NTRK2: variants seen among roughly 807,000 people sequenced by gnomAD.
NTRK2 encodes the protein neurotrophic receptor tyrosine kinase 2.
A neutral mutation model predicts 94.5 loss-of-function variants in NTRK2; 13 were observed. That is an observed-to-expected ratio of 0.14 (90% CI 0.09 to 0.22). The LOEUF (loss-of-function observed/expected upper bound fraction) is 0.22, where lower values mean the gene tolerates loss of function less well. Ranked by LOEUF, NTRK2 falls within the 10% of genes least tolerant of loss-of-function variation. The pLI is 1.00. For synonymous variants in NTRK2, 372 were observed against 407.4 expected, an observed-to-expected ratio of 0.91 and a Z score of 1.05; for missense variants, 639 against 1,071.2, an observed-to-expected ratio of 0.60 and a Z score of 5.63.
At chr9:84,892,714 A>G (rs565791819) in intron 14 of NTRK2, among the ~76,000 whole-genome samples, 1 of 152,340 alleles carries the variant, frequency 6.6e-6, no homozygotes, top group East Asian at 1.9e-4. Context: ...TGAGGTCCGG[A>G]GTTCAGGACC....
At chr9:84,734,279 C>A (rs555449148) in intron 9 of NTRK2, among the ~76,000 whole-genome samples, 8 of 152,330 alleles carry the variant, frequency 5.3e-5, no homozygotes, top group Admixed American at 3.3e-4. Context: ...GTTATTTATC[C>A]TCTCCTTAGG....
chr9:84,790,662 A>G (rs1335561632), intron 12 of NTRK2, among the ~76,000 whole-genome samples: 1 of 152,170 alleles, frequency 6.6e-6, no homozygotes. Context: ...AAATATGCTC[A>G]GTTTTGGTAC....
intron 17 of NTRK2, among the ~76,000 whole-genome samples, chr9:84,980,588 T>C (rs1318556317): frequency 6.6e-6 from 1 of 152,238 alleles, no homozygotes; most frequent in Non-Finnish European, 1.5e-5. Context: ...AATAAAACAC[T>C]GTCCCTAGGT....
intron 14 of NTRK2, among the ~76,000 whole-genome samples, chr9:84,917,187 C>T (rs982929937): frequency 2.0e-5 from 3 of 152,172 alleles, no homozygotes; most frequent in African/African-American, 7.2e-5. Context: ...GTGAGACAAA[C>T]CATTTTTGTA....
chr9:84,765,849 T>G (rs1450317725), intron 12 of NTRK2, among the ~76,000 whole-genome samples: 2 of 152,114 alleles, frequency 1.3e-5, no homozygotes, highest in African/African-American at 4.8e-5. Context: ...AATATACCTA[T>G]TACATCATAC....
chr9:84,978,907 T>C (rs879506363), intron 17 of NTRK2, among the ~76,000 whole-genome samples: 3 of 152,254 alleles, frequency 2.0e-5, no homozygotes, highest in South Asian at 2.1e-4. Context: ...CAACAAAGCC[T>C]GGATGACAGC....
intron 17 of NTRK2, among the ~76,000 whole-genome samples, chr9:84,990,383 A>T (rs1189745726): frequency 2.6e-5 from 4 of 152,176 alleles, no homozygotes; most frequent in Admixed American, 6.5e-5. Flanking sequence ...CGGACAAATA[A>T]GGCTTTTCTC....
At chr9:84,905,551 G>T (rs2077049628) in intron 14 of NTRK2, among the ~76,000 whole-genome samples, 1 of 152,130 alleles carries the variant, frequency 6.6e-6, no homozygotes. Flanking sequence ...AAAATCAAAT[G>T]AAATTGAATT....
chr9:84,992,913 AAT>A (rs1354708785), intron 17 of NTRK2, among the ~76,000 whole-genome samples: 1 of 149,444 alleles, frequency 6.7e-6, no homozygotes, highest in African/African-American at 2.5e-5. Flanking sequence ...AGAAAAAAAA[AAT>A]ATATAAATAT....
chr9:84,996,516 C>T (rs1482913348), intron 17 of NTRK2, among the ~76,000 whole-genome samples: 3 of 152,208 alleles, frequency 2.0e-5, no homozygotes, highest in Non-Finnish European at 4.4e-5. Context: ...ACATCACACA[C>T]GTGGAGGAGA....
chr9:84,917,884 G>A (rs1003743114), intron 14 of NTRK2, among the ~76,000 whole-genome samples: 5 of 152,112 alleles, frequency 3.3e-5, no homozygotes, highest in African/African-American at 1.2e-4. Flanking sequence ...CACCTCCTGG[G>A]AGGCAGCTTA....
At chr9:84,877,111 C>G (rs2076094417) in intron 14 of NTRK2, 1 of 1,064,886 alleles carries the variant, frequency 9.4e-7, no homozygotes, top group Non-Finnish European at 1.1e-6. Context: ...ATCACACTTT[C>G]CTTCTCGGAT....
intron 15 of NTRK2, among the ~76,000 whole-genome samples, chr9:84,939,350 GC>G (rs2078326259): frequency 1.3e-5 from 2 of 152,090 alleles, no homozygotes; most frequent in Non-Finnish European, 2.9e-5. Flanking sequence ...AGGTCACCTA[GC>G]CTAAAAGAGA....
At chr9:84,954,798 A>T (rs556873118) in intron 16 of NTRK2, among the ~76,000 whole-genome samples, 1 of 151,878 alleles carries the variant, frequency 6.6e-6, no homozygotes, top group East Asian at 1.9e-4. Context: ...GTTGGGGGAT[A>T]CTCTGGCATA....
At chr9:84,894,683 A>G (rs565083536) in intron 14 of NTRK2, among the ~76,000 whole-genome samples, 44 of 152,370 alleles carry the variant, frequency 2.9e-4, no homozygotes, top group African/African-American at 1.0e-3. Flanking sequence ...GTGAGGACTA[A>G]CTTACAAATA....
intron 12 of NTRK2, chr9:84,814,358 C>A: frequency 1.9e-6 from 2 of 1,065,594 alleles, no homozygotes; most frequent in Non-Finnish European, 2.3e-6. Flanking sequence ...AGTTTCACGC[C>A]AGGTGCGAGA....
At chr9:84,915,114 C>A (rs2077356459) in intron 14 of NTRK2, among the ~76,000 whole-genome samples, 1 of 152,130 alleles carries the variant, frequency 6.6e-6, no homozygotes, top group Admixed American at 6.5e-5. Context: ...AATGCCGCTG[C>A]CGATCTAACA....
chr9:84,712,494 G>T (rs894786410), intron 6 of NTRK2, among the ~76,000 whole-genome samples: 1 of 152,188 alleles, frequency 6.6e-6, no homozygotes, highest in African/African-American at 2.4e-5. Context: ...GATTAGGACT[G>T]AATGGTTACA....
chr9:84,854,674 C>T (rs1394626967), intron 12 of NTRK2, among the ~76,000 whole-genome samples: 1 of 151,954 alleles, frequency 6.6e-6, no homozygotes, highest in Non-Finnish European at 1.5e-5. Context: ...GGGCCGGGCG[C>T]GGTGGCTCAC....
Sources: allele counts gnomAD v4.1 joint callset (sites outside exome capture counted in the v4.1 genomes callset), GRCh38; gene constraint gnomAD v4.1.1; transcripts MANE v1.5; gene names NCBI Gene and HGNC (gene_info 2026-07-23, HGNC 2026-07-21).